NLK: variants seen among roughly 807,000 people sequenced by gnomAD.
The protein encoded by NLK is nemo like kinase, also known as serine/threonine-protein kinase NLK.
A neutral mutation model predicts 59.0 loss-of-function variants in NLK; 11 were observed. The observed-to-expected ratio is 0.19, with a 90% CI of 0.12 to 0.31. The LOEUF (loss-of-function observed/expected upper bound fraction) is 0.31, where lower values mean the gene tolerates loss of function less well. Ranked by LOEUF, NLK falls within the 10% of genes least tolerant of loss-of-function variation. NLK has a pLI of 1.00. For missense variants in NLK, 410 were observed against 661.1 expected (o/e 0.62, Z 4.16); for synonymous variants, 235 against 235.9 (o/e 1.00, Z 0.03).
At chr17:28,091,729 C>T (rs1018953602) in intron 1 of NLK, among the ~76,000 whole-genome samples, 2 of 152,140 alleles carry the variant, frequency 1.3e-5, no homozygotes, top group Non-Finnish European at 2.9e-5. Flanking sequence ...ATCTGTGGGT[C>T]ATTTCCTTTC....
At chr17:28,164,151 C>A (rs1432303662) in intron 5 of NLK, among the ~76,000 whole-genome samples, 1 of 152,074 alleles carries the variant, frequency 6.6e-6, no homozygotes, top group Non-Finnish European at 1.5e-5. Context: ...GGGCAGATTG[C>A]TTGAGCCCAG....
intron 7 of NLK, among the ~76,000 whole-genome samples, chr17:28,179,412 T>TTTTTA (rs1050952758): frequency 2.0e-5 from 3 of 151,470 alleles, no homozygotes; most frequent in African/African-American, 7.3e-5. Flanking sequence ...TTTTATTTTA[T>TTTTTA]TTTTATTTTA....
chr17:28,111,890 GTGTGTGGTGT>G (rs1206506902), intron 1 of NLK, among the ~76,000 whole-genome samples: 65 of 117,608 alleles, frequency 5.5e-4, no homozygotes, highest in African/African-American at 1.9e-3. Flanking sequence ...GTGTGTGTGT[GTGTGTGGTGT>G]GTGTGTGTGT....
At chr17:28,163,444 A>G (rs1049540282) in intron 4 of NLK, 99 bp from the exon 5 acceptor site, 18 of 694,386 alleles carry the variant, frequency 2.6e-5, no homozygotes, top group Non-Finnish European at 3.9e-5. Flanking sequence ...TTAGGGAACA[A>G]TTTTAAATCC....
chr17:28,150,855 G>A (rs1907450136), intron 3 of NLK, among the ~76,000 whole-genome samples: 2 of 152,152 alleles, frequency 1.3e-5, no homozygotes, highest in African/African-American at 4.8e-5. Flanking sequence ...CGTTTAAATA[G>A]GAGAGATGGT....
intron 4 of NLK, among the ~76,000 whole-genome samples, chr17:28,162,918 CAAA>C (rs34292175): frequency 8.5e-6 from 1 of 117,816 alleles, no homozygotes; most frequent in Admixed American, 9.0e-5. Context: ...GACCCTGTCT[CAAA>C]AAAAAAAAAG....
intron 3 of NLK, among the ~76,000 whole-genome samples, chr17:28,134,379 C>T (rs973394923): frequency 2.0e-5 from 3 of 151,966 alleles, no homozygotes; most frequent in South Asian, 2.1e-4. Flanking sequence ...ATAGCCTGGG[C>T]GACAGAGTGA....
Position 28,186,880 on chromosome 17 carries a change from C to T in NLK, c.1236+1615C>T, listed in dbSNP as rs996204394. On this transcript the variant is annotated intron_variant, in intron 8 of 10. Coordinates refer to ENST00000407008, the MANE Select transcript of NLK (RefSeq NM_016231.5). Reference sequence around the variant, plus strand: ...CTATAAGCCTGACAAAGTGGCAGTTCTTGCTCCCACAGTCTCTCTTTGTGA... The same window carrying T: ...CTATAAGCCTGACAAAGTGGCAGTTTTTGCTCCCACAGTCTCTCTTTGTGA... Among the ~76,000 whole-genome samples, 20 of 152,202 alleles carry T rather than the reference C, an allele frequency of 1.3e-4. 1 individual carries two copies. The highest frequency in any genetic ancestry group is 5.9e-4 in the Admixed American group (9 of 15,280).
At chr17:28,132,361 C>T (rs1906553886) in intron 2 of NLK, among the ~76,000 whole-genome samples, 1 of 152,106 alleles carries the variant, frequency 6.6e-6, no homozygotes. Flanking sequence ...ATTTCAAAAA[C>T]TCTCTCCTGT....
intron 2 of NLK, among the ~76,000 whole-genome samples, chr17:28,130,689 C>G (rs939975261): frequency 6.6e-6 from 1 of 152,140 alleles, no homozygotes; most frequent in African/African-American, 2.4e-5. Context: ...TCATTGCATT[C>G]TGTTTCCCCC....
At chr17:28,099,255 TC>T (rs1358387831) in intron 1 of NLK, among the ~76,000 whole-genome samples, 1 of 152,128 alleles carries the variant, frequency 6.6e-6, no homozygotes, top group Non-Finnish European at 1.5e-5. Context: ...GATTTTGTGT[TC>T]CTTTTTTAAA....
At chr17:28,113,806 C>G (rs773980266) in intron 1 of NLK, among the ~76,000 whole-genome samples, 1 of 152,126 alleles carries the variant, frequency 6.6e-6, no homozygotes. Flanking sequence ...TGGAGTTGCT[C>G]TAATTCAAAC....
chr17:28,178,379 G>T (rs751048521), intron 7 of NLK, among the ~76,000 whole-genome samples: 3 of 152,148 alleles, frequency 2.0e-5, no homozygotes, highest in Non-Finnish European at 4.4e-5. Flanking sequence ...TTCCCTAAAG[G>T]TCAGGGAATC....
chr17:28,185,070 C>T, intron 7 of NLK, 109 bp from the exon 8 acceptor site: 1 of 453,348 alleles, frequency 2.2e-6, no homozygotes, highest in Admixed American at 4.2e-5. Context: ...TGAGTTTAGA[C>T]ACACATTGCC....
chr17:28,146,377 CGATGTT>C (rs1318994005), intron 3 of NLK, among the ~76,000 whole-genome samples: 1 of 111,222 alleles, frequency 9.0e-6, no homozygotes, highest in Non-Finnish European at 1.8e-5. Context: ...CCTCATATAA[CGATGTT>C]GATGATGATG....
chr17:28,146,301 C>T (rs1907245790), intron 3 of NLK, among the ~76,000 whole-genome samples: 1 of 151,942 alleles, frequency 6.6e-6, no homozygotes, highest in Non-Finnish European at 1.5e-5. Flanking sequence ...AATTAATGTA[C>T]GTTGAACATT....
chr17:28,119,515 G>A (rs1411368877), intron 1 of NLK, among the ~76,000 whole-genome samples: 1 of 152,132 alleles, frequency 6.6e-6, no homozygotes, highest in Non-Finnish European at 1.5e-5. Context: ...AAGAAGTATT[G>A]TATGAGGCCT....
intron 1 of NLK, among the ~76,000 whole-genome samples, chr17:28,099,645 C>A (rs1904833876): frequency 7.0e-6 from 1 of 142,504 alleles, no homozygotes; most frequent in Non-Finnish European, 1.5e-5. Flanking sequence ...GTGGCGCAAT[C>A]TCGGCTCACT....
intron 7 of NLK, among the ~76,000 whole-genome samples, chr17:28,183,929 C>A (rs937994096): frequency 6.6e-6 from 1 of 152,160 alleles, no homozygotes; most frequent in Non-Finnish European, 1.5e-5. Context: ...CTTAATTCTG[C>A]CTTTTTTATG....
Sources: allele counts gnomAD v4.1 joint callset (sites outside exome capture counted in the v4.1 genomes callset), GRCh38; gene constraint gnomAD v4.1.1; transcripts MANE v1.5; gene names NCBI Gene and HGNC (gene_info 2026-07-23, HGNC 2026-07-21).